The following ATAD2B variants were observed in gnomAD, a reference collection of about 807,000 sequenced individuals.
ATAD2B encodes ATPase family AAA domain containing 2B, also known as ATPase family AAA domain-containing protein 2B.
In ATAD2B, 40 loss-of-function variants were observed where a neutral mutation model predicts 167.6. That is an observed-to-expected ratio of 0.24 (90% CI 0.19 to 0.31). The LOEUF (loss-of-function observed/expected upper bound fraction) is 0.31, where lower values mean the gene tolerates loss of function less well. ATAD2B is among the 10% of genes least tolerant of loss of function. The pLI is 1.00. For synonymous variants in ATAD2B, 579 were observed against 596.5 expected, an observed-to-expected ratio of 0.97 and a Z score of 0.43; for missense variants, 1,242 against 1,757.2, an observed-to-expected ratio of 0.71 and a Z score of 5.24.
chr2:23,896,943 G>C (rs1398807501), intron 1 of ATAD2B, among the ~76,000 whole-genome samples: 3 of 152,106 alleles, frequency 2.0e-5, no homozygotes, highest in Non-Finnish European at 4.4e-5. Flanking sequence ...TTCCAGACAA[G>C]CCTGGTGAAC....
the ATAD2B span, among the ~76,000 whole-genome samples, chr2:23,692,169 A>C: frequency 6.6e-6 from 1 of 152,248 alleles, no homozygotes; most frequent in Non-Finnish European, 1.5e-5. Context: ...AGGGCTGTGC[A>C]TGTGCTCTGT....
intron 24 of ATAD2B, among the ~76,000 whole-genome samples, chr2:23,761,478 A>G (rs1676733346): frequency 6.6e-6 from 1 of 152,194 alleles, no homozygotes; most frequent in South Asian, 2.1e-4. Context: ...CAAATATTCC[A>G]AAATCCAAAA....
At chr2:23,888,489 T>A in intron 2 of ATAD2B, 90 bp from the exon 3 acceptor site, 1 of 837,588 alleles carries the variant, frequency 1.2e-6, no homozygotes. Context: ...TTTTAATCTT[T>A]AAAACTTTTT....
chr2:23,888,475 A>T, intron 2 of ATAD2B, 76 bp from the exon 3 acceptor site: 1 of 917,598 alleles, frequency 1.1e-6, no homozygotes, highest in Non-Finnish European at 1.6e-6. Flanking sequence ...TACTGCTGGA[A>T]TTATTTTAAT....
chr2:23,714,044 G>A, the ATAD2B span, among the ~76,000 whole-genome samples: 1 of 152,076 alleles, frequency 6.6e-6, no homozygotes, highest in African/African-American at 2.4e-5. Context: ...AAAAGGCAGA[G>A]TTTTCCCACC....
rs967848901 is a variant in ATAD2B at position 23,878,663 on chromosome 2, T to TAAATA, written c.901+1971_901+1975dup. On this transcript the variant is annotated intron_variant, in intron 7 of 27. Transcript: ENST00000238789. Reference sequence around the variant, plus strand: ...GACAGAGCAAGACTCCATCTCAAAATAAATAAAATAAAATAAAATAAAATA... The same window carrying TAAATA: ...GACAGAGCAAGACTCCATCTCAAAATAAATAAAATAAAATAAAATAAAATAAAATA... 3.4e-3 allele frequency among the ~76,000 whole-genome samples: 514 copies of TAAATA among 151,732 alleles called. 2 individuals carry two copies. Among genetic ancestry groups the TAAATA allele is most frequent in the African/African-American group, 0.012 (481 of 41,400 alleles).
chr2:23,824,123 C>A (rs1239829621), intron 15 of ATAD2B, among the ~76,000 whole-genome samples: 1 of 151,904 alleles, frequency 6.6e-6, no homozygotes, highest in Non-Finnish European at 1.5e-5. Context: ...TAATTTTTTT[C>A]TTTTCTTTTA....
the ATAD2B span, among the ~76,000 whole-genome samples, chr2:23,736,815 GCACCTGGAAAATCGGAT>G: frequency 6.6e-6 from 1 of 152,270 alleles, no homozygotes; most frequent in African/African-American, 2.4e-5. Context: ...GTGACAGACA[GCACCTGGAAAATCGGAT>G]CACTCCCACC....
intron 18 of ATAD2B, among the ~76,000 whole-genome samples, 170 bp downstream of exon 18, chr2:23,810,146 A>G (rs1685325905): frequency 6.6e-6 from 1 of 152,258 alleles, no homozygotes; most frequent in South Asian, 2.1e-4. Context: ...AACTGTATGC[A>G]TCAAAAGGAT....
the ATAD2B span, among the ~76,000 whole-genome samples, chr2:23,719,520 C>T: frequency 6.6e-6 from 1 of 152,074 alleles, no homozygotes; most frequent in African/African-American, 2.4e-5. Flanking sequence ...CCAGAAATAT[C>T]CCAGAACTCA....
chr2:23,751,985 G>C lies in ATAD2B; in HGVS notation c.*61C>G. 1 of 1,292,308 alleles carries C rather than the reference G, an allele frequency of 7.7e-7. No homozygotes were observed. The highest frequency in any genetic ancestry group is 1.3e-5 in the South Asian group (1 of 77,736). The allele number at this position is 1,292,308 out of a possible 1,614,324, so 80.1% of individuals were successfully genotyped here. On this transcript the variant is annotated 3_prime_UTR_variant, in exon 28 of 28. Coordinates refer to ENST00000238789, the MANE Select transcript of ATAD2B (RefSeq NM_017552.4). Reference sequence around the variant, plus strand: ...AATTGGTGCAATTTGAAATTGAATGGCTCAGAAGACTGCTCTGTGAGGAGC... The same window carrying C: ...AATTGGTGCAATTTGAAATTGAATGCCTCAGAAGACTGCTCTGTGAGGAGC...
rs187971611 is a variant in ATAD2B at position 23,843,129 on chromosome 2, G to A, written c.1569-9051C>T. 6.6e-5 allele frequency among the ~76,000 whole-genome samples: 10 copies of A among 152,248 alleles called. No individual in the cohort carries two copies. The East Asian group carries it at 1.9e-3, about 29-fold the overall frequency. On this transcript the variant is annotated intron_variant, in intron 13 of 27. Transcript: ENST00000238789. Reference sequence around the variant, plus strand: ...TAAATAAAATAAAACATGCTTAAATGCATGAAAATCACATTGGAAAAACAG... The same window carrying A: ...TAAATAAAATAAAACATGCTTAAATACATGAAAATCACATTGGAAAAACAG...
At chr2:23,753,166 G>C (rs1365119171) in intron 27 of ATAD2B, among the ~76,000 whole-genome samples, 1 of 152,074 alleles carries the variant, frequency 6.6e-6, no homozygotes, top group Non-Finnish European at 1.5e-5. Context: ...TGTATTAACA[G>C]ATCATCATCC....
chr2:23,885,862 A>T (rs771275885), intron 4 of ATAD2B, 33 bp from the exon 5 acceptor site: 52 of 1,307,240 alleles, frequency 4.0e-5, no homozygotes, highest in Non-Finnish European at 5.4e-5. Context: ...GGATTTAGAC[A>T]ATGGTGGCAC....
the ATAD2B span, among the ~76,000 whole-genome samples, chr2:23,722,312 C>A: frequency 6.6e-6 from 1 of 152,068 alleles, no homozygotes; most frequent in Admixed American, 6.5e-5. Context: ...TAAGGAAACT[C>A]GGTGAGATAC....
At chr2:23,691,722 C>G in the ATAD2B span, 2 of 1,551,804 alleles carry the variant, frequency 1.3e-6, no homozygotes, top group Non-Finnish European at 1.7e-6. Context: ...TGGAGCTCGT[C>G]CTGTCGAACC....
chr2:23,892,553 CCT>C (rs1335808014), intron 2 of ATAD2B, among the ~76,000 whole-genome samples: 3 of 151,426 alleles, frequency 2.0e-5, no homozygotes, highest in Admixed American at 2.0e-4. Context: ...CTAACTGCAA[CCT>C]CTGTCTCCCA....
rs1694906468 is a variant in ATAD2B at position 23,864,794 on chromosome 2, T to C, written c.1304+15A>G. 7 of 1,265,880 alleles carry C rather than the reference T, an allele frequency of 5.5e-6. No individual in the cohort carries two copies. Among genetic ancestry groups the C allele is most frequent in the African/African-American group, 3.0e-5 (2 of 67,036 alleles). The allele number at this position is 1,265,880 out of a possible 1,614,324, so 78.4% of individuals were successfully genotyped here. ...AACAGTAATAACAATAATAAACATC[T>C]ATGACATTGCTTACCTTGGAGGCTG... is the stretch of plus-strand genomic sequence containing the variant. On this transcript the variant is annotated intron_variant, in intron 11 of 27. Coordinates refer to ENST00000238789, the MANE Select transcript of ATAD2B (RefSeq NM_017552.4).
intron 1 of ATAD2B, among the ~76,000 whole-genome samples, chr2:23,916,793 C>T (rs1389930152): frequency 9.9e-5 from 15 of 152,096 alleles, no homozygotes. Context: ...TCTCTAAAAC[C>T]CACACAGGAA....
Sources: allele counts gnomAD v4.1 joint callset (sites outside exome capture counted in the v4.1 genomes callset), GRCh38; gene constraint gnomAD v4.1.1; transcripts MANE v1.5; gene names NCBI Gene and HGNC (gene_info 2026-07-23, HGNC 2026-07-21).